The following RELN variants were observed in gnomAD, a reference collection of about 807,000 sequenced individuals.
RELN encodes the protein reelin.
RELN carries 108 observed loss-of-function variants against 427.6 expected under a neutral mutation model. The ratio of observed to expected loss-of-function variants is 0.25; its 90% CI spans 0.22 to 0.30. The LOEUF (loss-of-function observed/expected upper bound fraction) is 0.30. Ranked by LOEUF, RELN falls within the 10% of genes least tolerant of loss-of-function variation. The pLI is 1.00. For missense variants in RELN, 3,715 were observed against 4,302.8 expected (o/e 0.86, Z 3.82); for synonymous variants, 1,524 against 1,513.4 (o/e 1.01, Z -0.16).
intron 19 of RELN, among the ~76,000 whole-genome samples, chr7:103,631,877 CATT>C (rs1416036084): frequency 6.6e-6 from 1 of 151,812 alleles, no homozygotes; most frequent in African/African-American, 2.4e-5. Flanking sequence ...ATTTGTTTAG[CATT>C]ATGTTATTAG....
In RELN at chr7:103,989,311, A is replaced by G; in HGVS notation, c.46T>C (p.Leu16=). The G allele has an allele frequency of 6.3e-7, 1 of 1,597,094 alleles. No individual in the cohort carries two copies. The highest frequency in any genetic ancestry group is 2.3e-5 in the East Asian group (1 of 44,236). The change falls in exon 1 of 65, where the codon TTG becomes CTG. Residue 16 remains leucine (L), a synonymous_variant. Transcript: ENST00000428762. This position sits in a 1 kb window ranked among gnomAD's most constrained non-coding sequence, Gnocchi z 4.9. The part of the protein sequence containing the change: ...WARQTFLLAL[L]LGATLRARAA... ...CGCGCCCTCAGCGTCGCCCCCAGCAACAGCGCTAGGAGGAAAGTCTGCCGG... is the reference window on the plus strand; with the variant it reads ...CGCGCCCTCAGCGTCGCCCCCAGCAGCAGCGCTAGGAGGAAAGTCTGCCGG...
chr7:103,735,276 TG>T (rs1790463156), intron 6 of RELN, among the ~76,000 whole-genome samples: 1 of 152,318 alleles, frequency 6.6e-6, no homozygotes, highest in South Asian at 2.1e-4. Context: ...TTCAGGTGGC[TG>T]TTTTTTTTCA....
Position 103,744,121 on chromosome 7 carries a change from G to A in RELN, c.656+5305C>T, listed in dbSNP as rs559029132. Reference sequence around the variant, plus strand: ...AGGATTAAGAAACTCACTCAAAACCGCTCAACTACATGGAAACTGAACAAC... The same window carrying A: ...AGGATTAAGAAACTCACTCAAAACCACTCAACTACATGGAAACTGAACAAC... On this transcript the variant is annotated intron_variant, in intron 6 of 64. Transcript: ENST00000428762. Among the ~76,000 whole-genome samples the A allele has an allele frequency of 1.5e-3, 229 of 152,176 alleles. 2 individuals are homozygous for A. The highest frequency in any genetic ancestry group is 3.4e-3 in the Middle Eastern group (1 of 294).
At chr7:103,822,530 C>T (rs950805323) in intron 3 of RELN, among the ~76,000 whole-genome samples, 4 of 152,034 alleles carry the variant, frequency 2.6e-5, no homozygotes, top group Non-Finnish European at 5.9e-5. Flanking sequence ...AGTATAAACT[C>T]TAATTCTATA....
intron 4 of RELN, among the ~76,000 whole-genome samples, chr7:103,761,000 C>T (rs1468384179): frequency 6.6e-6 from 1 of 152,070 alleles, no homozygotes; most frequent in African/African-American, 2.4e-5. Flanking sequence ...AAACAGTTCT[C>T]CCTGTGTTCA....
intron 1 of RELN, among the ~76,000 whole-genome samples, chr7:103,985,679 T>G (rs1797082598): frequency 6.6e-6 from 1 of 152,180 alleles, no homozygotes; most frequent in Non-Finnish European, 1.5e-5. Flanking sequence ...TGGGAAAGTT[T>G]AACACTGACA....
rs1832203340 is a variant in RELN at position 103,620,892 on chromosome 7, G to A, written c.2702+9048C>T. Among the ~76,000 whole-genome samples the A allele has an allele frequency of 6.6e-6, 1 of 152,154 alleles. No individual in the cohort carries two copies. The highest frequency in any genetic ancestry group is 1.5e-5 in the Non-Finnish European group (1 of 68,024). On this transcript the variant is annotated intron_variant, in intron 20 of 64. Coordinates refer to ENST00000428762, the MANE Select transcript of RELN (RefSeq NM_005045.4). This position sits in a 1 kb window ranked among gnomAD's most constrained non-coding sequence, Gnocchi z 4.1. ...TTGAACATCACTTCCTTTTAGAACA[G>A]AACACACTGGTTGATGTAGTCAGGC... is the stretch of plus-strand genomic sequence containing the variant.
In RELN at chr7:103,538,944, G is replaced by A. The variant is rs74630896; in HGVS notation, c.7180+134C>T. ...TACATGCAGTATTTTCAAGAGTACA[G>A]TGTGGTTTGACTCAAAGTGCACTTG... is the stretch of plus-strand genomic sequence containing the variant. On this transcript the variant is annotated intron_variant, in intron 45 of 64. Coordinates refer to ENST00000428762, the MANE Select transcript of RELN (RefSeq NM_005045.4). 6.0e-4 allele frequency: 569 copies of A among 945,574 alleles called. 5 individuals are homozygous for A. In the African/African-American group the frequency reaches 8.4e-3, roughly 14 times the overall value. The allele number at this position is 945,574 out of a possible 1,614,324, so 58.6% of individuals were successfully genotyped here.
At chr7:103,910,421 T>C (rs1250927985) in intron 2 of RELN, among the ~76,000 whole-genome samples, 5 of 151,870 alleles carry the variant, frequency 3.3e-5, no homozygotes, top group East Asian at 1.9e-4. Context: ...TCCTGCCTAA[T>C]TGCCCTGGCC....
intron 1 of RELN, among the ~76,000 whole-genome samples, chr7:103,927,557 T>C (rs1317483572): frequency 6.6e-6 from 1 of 152,206 alleles, no homozygotes; most frequent in African/African-American, 2.4e-5. Flanking sequence ...ATCTGATATT[T>C]GGGAAAGTAT....
intron 3 of RELN, among the ~76,000 whole-genome samples, chr7:103,811,572 C>T (rs1476315434): frequency 6.6e-6 from 1 of 152,138 alleles, no homozygotes; most frequent in Admixed American, 6.6e-5. Flanking sequence ...ATAGCACGGG[C>T]CTATAAATCA....
chr7:103,862,022 T>C (rs1794081955), intron 2 of RELN, among the ~76,000 whole-genome samples: 1 of 152,130 alleles, frequency 6.6e-6, no homozygotes. Flanking sequence ...GCTTTGCCAG[T>C]GGAGGGCTTA....
chr7:103,878,812 C>T (rs1794542665), intron 2 of RELN, among the ~76,000 whole-genome samples: 1 of 152,118 alleles, frequency 6.6e-6, no homozygotes, highest in Non-Finnish European at 1.5e-5. Flanking sequence ...TGTTTGCTTC[C>T]AACAGAATAT....
intron 2 of RELN, among the ~76,000 whole-genome samples, chr7:103,839,647 A>G (rs1416605002): frequency 3.3e-5 from 5 of 152,200 alleles, no homozygotes; most frequent in Admixed American, 1.3e-4. Context: ...AAAATACAAT[A>G]TAAGAGTGAA....
At chr7:103,675,569 C>T (rs1014430603) in intron 11 of RELN, among the ~76,000 whole-genome samples, 20 of 152,124 alleles carry the variant, frequency 1.3e-4, no homozygotes, top group Non-Finnish European at 2.9e-5. Context: ...AAAAAGAGCC[C>T]ACATTGCCAA....
chr7:103,664,797 A>G (rs1833221872), intron 11 of RELN, among the ~76,000 whole-genome samples: 2 of 152,110 alleles, frequency 1.3e-5, no homozygotes, highest in South Asian at 4.1e-4. Context: ...ATTTATGTCC[A>G]TTTTGTATTA....
In RELN at chr7:103,578,706, A is replaced by G. The variant is rs537151546; in HGVS notation, c.4146-3001T>C. 5.9e-5 allele frequency among the ~76,000 whole-genome samples: 9 copies of G among 152,336 alleles called. 1 individual carries two copies. The East Asian group carries it at 1.7e-3, about 29-fold the overall frequency. On this transcript the variant is annotated intron_variant, in intron 28 of 64. Coordinates refer to ENST00000428762, the MANE Select transcript of RELN (RefSeq NM_005045.4). The stretch of plus-strand genomic sequence containing the variant: ...AGAACTGATAAAGAATTCATTATAA[A>G]AACTAGTCACTAAGAGACCATGAGA...
intron 31 of RELN, among the ~76,000 whole-genome samples, chr7:103,570,025 C>T (rs1046856180): frequency 6.6e-6 from 1 of 152,124 alleles, no homozygotes; most frequent in Non-Finnish European, 1.5e-5. Context: ...GAGATTTGTT[C>T]AAGGATTTAA....
intron 24 of RELN, among the ~76,000 whole-genome samples, chr7:103,599,465 T>C (rs1351977521): frequency 2.0e-5 from 3 of 152,158 alleles, no homozygotes; most frequent in African/African-American, 7.2e-5. Flanking sequence ...AGAGTATGTA[T>C]TGATTTGTAA....
Sources: allele counts gnomAD v4.1 joint callset (sites outside exome capture counted in the v4.1 genomes callset), GRCh38; gene constraint gnomAD v4.1.1; non-coding constraint Gnocchi (gnomAD v3.1); transcripts MANE v1.5; gene names NCBI Gene and HGNC (gene_info 2026-07-23, HGNC 2026-07-21).